FUBP1: variants seen among roughly 807,000 people sequenced by gnomAD.
The protein encoded by FUBP1 is far upstream element binding protein 1.
A neutral mutation model predicts 94.9 loss-of-function variants in FUBP1; 16 were observed. The ratio of observed to expected loss-of-function variants is 0.17; its 90% CI spans 0.11 to 0.26. The LOEUF is 0.26. FUBP1 is among the 10% of genes least tolerant of loss of function. The probability of loss-of-function intolerance (pLI) is 1.00; values close to 1 mark genes in which losing one functional copy is unlikely to be tolerated. For missense variants in FUBP1, 583 were observed against 808.6 expected, an observed-to-expected ratio of 0.72 and a Z score of 3.38; for synonymous variants, 279 against 254.9, an observed-to-expected ratio of 1.09 and a Z score of -0.90.
chr1:77,957,404 T>C (rs1237676771), intron 16 of FUBP1, among the ~76,000 whole-genome samples: 3 of 152,184 alleles, frequency 2.0e-5, no homozygotes, highest in Non-Finnish European at 4.4e-5. Context: ...CACAACACAG[T>C]GCTTGTACTT....
intron 18 of FUBP1, among the ~76,000 whole-genome samples, chr1:77,954,113 A>G (rs1295377702): frequency 6.6e-6 from 1 of 152,170 alleles, no homozygotes; most frequent in Non-Finnish European, 1.5e-5. Context: ...AGTGTGTGCC[A>G]CCGCACGTGG....
At chr1:77,960,298 A>G in intron 15 of FUBP1, 35 bp from the exon 16 acceptor site, 14 of 1,612,946 alleles carry the variant, frequency 8.7e-6, no homozygotes, top group Non-Finnish European at 1.1e-5. Context: ...AACAGTCCCA[A>G]AACTAGAATC....
chr1:77,978,221 A>C (rs1659079508), intron 1 of FUBP1, among the ~76,000 whole-genome samples: 2 of 152,246 alleles, frequency 1.3e-5, no homozygotes, highest in African/African-American at 4.8e-5. Context: ...GCACTACGTA[A>C]TACAAAGAGG....
intron 4 of FUBP1, among the ~76,000 whole-genome samples, chr1:77,967,383 G>A (rs1052009071): frequency 3.9e-5 from 6 of 152,156 alleles, no homozygotes; most frequent in Non-Finnish European, 5.9e-5. Context: ...CATCTTAACA[G>A]TTACTCTAAT....
chr1:77,974,134 G>GTTTTTTTT (rs34146250), intron 1 of FUBP1, among the ~76,000 whole-genome samples: 1 of 122,198 alleles, frequency 8.2e-6, no homozygotes, highest in Non-Finnish European at 1.7e-5. Flanking sequence ...TAATTTTTTG[G>GTTTTTTTT]TTTTTTTTTT....
chr1:77,979,253 A>T (rs1386779644), upstream of FUBP1: 4 of 471,470 alleles, frequency 8.5e-6, no homozygotes, highest in African/African-American at 2.0e-5. Context: ...CTTCGCGAGA[A>T]CAGAATTTCT....
At chr1:77,966,662 T>G (rs1389944535) in intron 7 of FUBP1, 32 bp downstream of exon 7, 2 of 1,074,278 alleles carry the variant, frequency 1.9e-6, no homozygotes, top group Non-Finnish European at 1.4e-6. Flanking sequence ...CTGTTGTTAC[T>G]TAAGTAGATT....
chr1:77,970,208 A>G (rs72685363), intron 1 of FUBP1, among the ~76,000 whole-genome samples, 193 bp from the exon 2 acceptor site: 30,406 of 152,118 alleles, frequency 0.2, 3,337 homozygotes, highest in African/African-American at 0.28. Flanking sequence ...TAATAATCAT[A>G]AGATTATTAA....
Position 77,976,443 on chromosome 1 carries a change from T to C in FUBP1, c.120+2442A>G, listed in dbSNP as rs139129895. ...AATAAATTTCACAATTTGCCAACAA[T>C]TTCTATATTTTAAGAAGTATAAAGA... On this transcript the variant is annotated intron_variant, in intron 1 of 19. Coordinates refer to ENST00000370768, the MANE Select transcript of FUBP1 (RefSeq NM_003902.5). 1.5e-3 allele frequency among the ~76,000 whole-genome samples: 233 copies of C among 152,310 alleles called. 4 individuals carry two copies. The East Asian group carries it at 0.035, about 23-fold the overall frequency.
intron 14 of FUBP1, 61 bp downstream of exon 14, chr1:77,962,709 T>C (rs1243366062): frequency 3.8e-6 from 4 of 1,049,784 alleles, no homozygotes; most frequent in Admixed American, 2.3e-5. Context: ...TGAATAAACG[T>C]CTTAATTTAA....
At chr1:77,964,022 C>T (rs751344495) in intron 12 of FUBP1, 40 bp downstream of exon 12, 451 of 1,221,060 alleles carry the variant, frequency 3.7e-4, no homozygotes, top group Non-Finnish European at 5.4e-4. Context: ...AATACTTTTC[C>T]ATAAAAACAA....
chr1:77,974,814 G>A (rs955486849), intron 1 of FUBP1, among the ~76,000 whole-genome samples: 2 of 152,144 alleles, frequency 1.3e-5, no homozygotes, highest in Non-Finnish European at 2.9e-5. Flanking sequence ...ACAGACTATT[G>A]TAGTTTACTT....
chr1:77,961,078 T>C (rs1017102976), intron 14 of FUBP1, among the ~76,000 whole-genome samples: 6 of 152,242 alleles, frequency 3.9e-5, no homozygotes, highest in African/African-American at 9.6e-5. Flanking sequence ...TCATGTATCA[T>C]GATGTTTAAT....
upstream of FUBP1, chr1:77,979,118 G>T: frequency 1.8e-6 from 2 of 1,082,386 alleles, no homozygotes; most frequent in Non-Finnish European, 2.6e-6. Flanking sequence ...CGCGACCATC[G>T]TGCCGTAAAG....
At chr1:77,974,918 T>C (rs1272969978) in intron 1 of FUBP1, among the ~76,000 whole-genome samples, 1 of 152,198 alleles carries the variant, frequency 6.6e-6, no homozygotes, top group South Asian at 2.1e-4. Context: ...CCAGGAACCA[T>C]GCAAATACCA....
In FUBP1 at chr1:77,967,068, T is replaced by C. The variant is rs749603871; in HGVS notation, c.324A>G (p.Pro108=). 8.2e-6 allele frequency: 13 copies of C among 1,590,694 alleles called. No individual in the cohort carries two copies. Among genetic ancestry groups the C allele is most frequent in the Non-Finnish European group, 1.1e-5 (13 of 1,161,128 alleles). Residue 108 remains proline (P), a synonymous_variant, in exon 5 of 20, where the codon CCA becomes CCG. Transcript: ENST00000370768. Reference sequence around the variant, plus strand: ...ACTTACTGAATCCAACCATTCCATCTGGAACTTTGTATTCTTCTGTCATTA... The same window carrying C: ...ACTTACTGAATCCAACCATTCCATCCGGAACTTTGTATTCTTCTGTCATTA... ...RSVMTEEYKV[P]DGMVGFIIGR... is the part of the protein sequence containing the mutation.
chr1:77,973,225 T>TG (rs1657924694), intron 1 of FUBP1, among the ~76,000 whole-genome samples: 2 of 152,214 alleles, frequency 1.3e-5, no homozygotes, highest in South Asian at 4.1e-4. Context: ...TTATGAGGTG[T>TG]GGGAAACTTT....
chr1:77,966,987 T>A (rs372145181), intron 5 of FUBP1, 32 bp from the exon 6 acceptor site: 1 of 1,549,018 alleles, frequency 6.5e-7, no homozygotes, highest in Non-Finnish European at 8.9e-7. Flanking sequence ...TTTTTTTTGG[T>A]TGAAAGATTC....
chr1:77,960,593 C>G, intron 14 of FUBP1, 98 bp from the exon 15 acceptor site: 4 of 987,510 alleles, frequency 4.1e-6, no homozygotes, highest in Non-Finnish European at 5.8e-6. Flanking sequence ...CTCTTATAGT[C>G]ACAAATAACA....
Sources: allele counts gnomAD v4.1 joint callset (sites outside exome capture counted in the v4.1 genomes callset), GRCh38; gene constraint gnomAD v4.1.1; transcripts MANE v1.5; gene names NCBI Gene and HGNC (gene_info 2026-07-23, HGNC 2026-07-21).